Variants in TFDP2 observed in about 807,000 individuals in gnomAD.
TFDP2 encodes transcription factor Dp-2, also known as transcription factor Dp-2 (E2F dimerization partner 2).
Under a neutral mutation model 59.3 loss-of-function variants are expected in TFDP2, and 17 were observed. The observed-to-expected ratio is 0.29, with a 90% CI of 0.20 to 0.43. The LOEUF (loss-of-function observed/expected upper bound fraction) is 0.43, where lower values mean the gene tolerates loss of function less well. Ranked by LOEUF, TFDP2 falls within the 20% of genes least tolerant of loss-of-function variation. The probability of loss-of-function intolerance (pLI) is 1.00; values close to 1 mark genes in which losing one functional copy is unlikely to be tolerated. For synonymous variants in TFDP2, 180 were observed against 194.7 expected, an observed-to-expected ratio of 0.92 and a Z score of 0.63; for missense variants, 391 against 528.8, an observed-to-expected ratio of 0.74 and a Z score of 2.56.
At chr3:142,118,807 A>G (rs1384010694) in intron 1 of TFDP2, among the ~76,000 whole-genome samples, 3 of 152,352 alleles carry the variant, frequency 2.0e-5, no homozygotes, top group Admixed American at 6.5e-5. Context: ...GAGGTTGAAC[A>G]TTAGTATTAC....
chr3:142,027,732 A>G (rs993068499), intron 3 of TFDP2, among the ~76,000 whole-genome samples: 3 of 152,252 alleles, frequency 2.0e-5, no homozygotes, highest in African/African-American at 7.2e-5. Flanking sequence ...TGAAATGATC[A>G]ATTCAATCAA....
intron 1 of TFDP2, among the ~76,000 whole-genome samples, chr3:142,112,353 A>C (rs2061692978): frequency 6.6e-6 from 1 of 152,196 alleles, no homozygotes; most frequent in African/African-American, 2.4e-5. Flanking sequence ...CTCAGAAATA[A>C]GAAAAACAAA....
At chr3:142,110,668 T>C (rs550360002) in intron 1 of TFDP2, among the ~76,000 whole-genome samples, 4 of 151,864 alleles carry the variant, frequency 2.6e-5, no homozygotes, top group African/African-American at 7.3e-5. Flanking sequence ...ATACTGAGCA[T>C]TGGCTGGGTA....
intron 3 of TFDP2, among the ~76,000 whole-genome samples, chr3:142,056,325 AAAGAC>A (rs1309620896): frequency 6.6e-6 from 1 of 151,774 alleles, no homozygotes; most frequent in Non-Finnish European, 1.5e-5. Flanking sequence ...AAAAAAAAAA[AAAGAC>A]AGTTTATTCC....
chr3:142,010,703 T>TA, intron 3 of TFDP2, among the ~76,000 whole-genome samples: 1 of 148,156 alleles, frequency 6.7e-6, no homozygotes, highest in African/African-American at 2.5e-5. Flanking sequence ...GACAAAGGGC[T>TA]AATATCCAGA....
At chr3:142,049,247 A>G (rs1947493586) in intron 3 of TFDP2, among the ~76,000 whole-genome samples, 1 of 152,236 alleles carries the variant, frequency 6.6e-6, no homozygotes, top group Non-Finnish European at 1.5e-5. Flanking sequence ...ACTGAATTCT[A>G]GAATATATAA....
At chr3:142,016,493 G>T (rs1945146382) in intron 3 of TFDP2, among the ~76,000 whole-genome samples, 2 of 151,728 alleles carry the variant, frequency 1.3e-5, no homozygotes, top group Non-Finnish European at 2.9e-5. Context: ...TAGAGATGGG[G>T]TTTTGCCATG....
rs542004803 is a variant in TFDP2 at position 142,066,824 on chromosome 3, T to C, written c.82+26237A>G. Among the ~76,000 whole-genome samples, 13 of 152,186 alleles carry C rather than the reference T, an allele frequency of 8.5e-5. No individual in the cohort carries two copies. In the East Asian group the frequency reaches 2.3e-3, roughly 27 times the overall value. On this transcript the variant is annotated intron_variant, in intron 3 of 12. Transcript: ENST00000489671. ...TTGTGTACTTCTCTCATAACTGAGG[T>C]TTATCCAGGAAATCCAAGGCTGATT... is the stretch of plus-strand genomic sequence containing the variant.
At chr3:142,063,858 A>C (rs1034822236) in intron 3 of TFDP2, among the ~76,000 whole-genome samples, 1 of 152,126 alleles carries the variant, frequency 6.6e-6, no homozygotes, top group Admixed American at 6.5e-5. Flanking sequence ...TTCTGAATTG[A>C]ATGAAAACCT....
chr3:142,038,671 A>T (rs1203230543), intron 3 of TFDP2, among the ~76,000 whole-genome samples: 1 of 152,208 alleles, frequency 6.6e-6, no homozygotes, highest in Non-Finnish European at 1.5e-5. Context: ...TCTAGAATTC[A>T]ATCATCCAAA....
intron 9 of TFDP2, among the ~76,000 whole-genome samples, chr3:141,964,237 G>A (rs1296828443): frequency 1.3e-5 from 2 of 152,112 alleles, no homozygotes; most frequent in African/African-American, 2.4e-5. Flanking sequence ...CAGCAAGGGT[G>A]ATACCATTTA....
At chr3:142,059,955 C>A (rs760607627) in intron 3 of TFDP2, among the ~76,000 whole-genome samples, 1 of 152,022 alleles carries the variant, frequency 6.6e-6, no homozygotes, top group Admixed American at 6.6e-5. Flanking sequence ...TTTTCTAGTT[C>A]TCTTTGTTCA....
In TFDP2 at chr3:141,969,980, A is replaced by C. The variant is rs897370588; in HGVS notation, c.732+93T>G. The C allele has an allele frequency of 5.6e-6, 7 of 1,256,266 alleles. No homozygotes were observed. In the Admixed American group the frequency reaches 1.2e-4, roughly 21 times the overall value. The allele number at this position is 1,256,266 out of a possible 1,614,324, so 77.8% of individuals were successfully genotyped here. ...CCCTGGCGTGGGCTCACCACACACCACTCAGAGGCACCACAATTAGAAAAC... is the reference window on the plus strand; with the variant it reads ...CCCTGGCGTGGGCTCACCACACACCCCTCAGAGGCACCACAATTAGAAAAC... On this transcript the variant is annotated intron_variant, in intron 9 of 12. Transcript: ENST00000489671.
intron 6 of TFDP2, among the ~76,000 whole-genome samples, chr3:141,979,908 T>G (rs1192782729): frequency 6.6e-6 from 1 of 150,882 alleles, no homozygotes; most frequent in Non-Finnish European, 1.5e-5. Context: ...AGTTTTCTGT[T>G]TTTGGGTTTT....
intron 1 of TFDP2, among the ~76,000 whole-genome samples, chr3:142,141,247 C>T (rs567522678): frequency 3.3e-5 from 5 of 152,322 alleles, no homozygotes; most frequent in East Asian, 1.9e-4. Flanking sequence ...TGGACGAGAG[C>T]GTCCCATTTT....
rs574657520 is a variant in TFDP2 at position 142,074,245 on chromosome 3, C to G, written c.82+18816G>C. ...CCAACATGGTAAAACCCTGTCTCTA[C>G]TGAAAATACAAAAACTAGCCAGGCA... On this transcript the variant is annotated intron_variant, in intron 3 of 12. Transcript: ENST00000489671. 3.3e-5 allele frequency among the ~76,000 whole-genome samples: 5 copies of G among 151,790 alleles called. No homozygotes were observed. The South Asian group carries it at 1.0e-3, about 32-fold the overall frequency.
chr3:142,094,067 G>A, intron 2 of TFDP2: 1 of 322,416 alleles, frequency 3.1e-6, no homozygotes, highest in Non-Finnish European at 6.4e-6. Flanking sequence ...GCATCACAGA[G>A]CTGAATACAG....
intron 12 of TFDP2, 33 bp downstream of exon 12, chr3:141,952,878 G>T: frequency 6.3e-7 from 1 of 1,598,146 alleles, no homozygotes; most frequent in East Asian, 2.2e-5. Context: ...GGGCTCTGGG[G>T]TTTGCCTTTC....
chr3:142,011,471 G>A (rs1576691624), intron 3 of TFDP2, among the ~76,000 whole-genome samples: 1 of 131,508 alleles, frequency 7.6e-6, no homozygotes, highest in Non-Finnish European at 1.6e-5. Context: ...GGATAGCATT[G>A]GGAGATATAC....
Sources: gnomAD v4.1 joint callset for allele counts (sites outside exome capture counted in the v4.1 genomes callset) on GRCh38, gnomAD v4.1.1 for gene constraint, MANE v1.5 for transcripts, NCBI Gene and HGNC (gene_info 2026-07-23, HGNC 2026-07-21) for gene names.